ITPRID2: variants seen among roughly 807,000 people sequenced by gnomAD.
The protein encoded by ITPRID2 is ITPR interacting domain containing 2.
A neutral mutation model predicts 124.3 loss-of-function variants in ITPRID2; 60 were observed. The observed-to-expected ratio is 0.48, with a 90% confidence interval of 0.39 to 0.60. ITPRID2 has a LOEUF of 0.60. Among genes scored for constraint, ITPRID2 ranks in the 20% least tolerant of loss-of-function variants. The probability of loss-of-function intolerance (pLI) is 0.00; values close to 1 mark genes in which losing one functional copy is unlikely to be tolerated. For missense variants in ITPRID2, 1,553 were observed against 1,512.2 expected (o/e 1.03, Z -0.45); for synonymous variants, 521 against 542.9 (o/e 0.96, Z 0.56).
chr2:181,916,590 C>G, intron 11 of ITPRID2, 163 bp downstream of exon 11: 1 of 963,002 alleles, frequency 1.0e-6, no homozygotes, highest in Non-Finnish European at 1.5e-6. Context: ...ATCTTCCCTC[C>G]TGTTTCAAGG....
chr2:181,900,629 A>C lies in ITPRID2; in HGVS notation c.504-67A>C, dbSNP rs1692583962. On this transcript the variant is annotated intron_variant, in intron 6 of 17. Coordinates refer to ENST00000431877, the MANE Select transcript of ITPRID2 (RefSeq NM_001130445.3). ...AAATCAGTAATATGTATTCATTTAT[A>C]ATGTGGTGTGGACTATCAATTTATT... 4.7e-6 allele frequency: 5 copies of C among 1,074,638 alleles called. No homozygotes were observed. In the Admixed American group the frequency reaches 7.2e-5, roughly 15 times the overall value. The allele number at this position is 1,074,638 out of a possible 1,614,324, so 66.6% of individuals were successfully genotyped here.
intron 2 of ITPRID2, chr2:181,893,761 A>G (rs1691956615): frequency 6.6e-6 from 1 of 152,208 alleles, no homozygotes; most frequent in East Asian, 1.9e-4. Flanking sequence ...TCAATCTCCC[A>G]GTTTTCAGAT....
chr2:181,925,991 C>T (rs562974417), intron 16 of ITPRID2, among the ~76,000 whole-genome samples: 2 of 152,148 alleles, frequency 1.3e-5, no homozygotes, highest in South Asian at 4.1e-4. Context: ...TTTATGAAAC[C>T]GACGAGGTGT....
chr2:181,915,106 C>A, intron 10 of ITPRID2, 110 bp from the exon 11 acceptor site: 1 of 1,296,672 alleles, frequency 7.7e-7, no homozygotes, highest in Non-Finnish European at 1.1e-6. Context: ...AGCAGGGCCA[C>A]AACTGCAGTG....
rs1230782976 is a variant in ITPRID2 at position 181,929,771 on chromosome 2, A to G, written c.*224A>G. ...TCTTTTCTAAACTATCAAAAACTCT[A>G]GCAGTTTGAAAAGCCTAATATTTAT... On this transcript the variant is annotated 3_prime_UTR_variant, in exon 18 of 18. Transcript: ENST00000431877. The G allele has an allele frequency of 1.7e-6, 1 of 583,576 alleles. No individual in the cohort carries two copies. The highest frequency in any genetic ancestry group is 2.8e-6 in the Non-Finnish European group (1 of 355,458). 36.1% of individuals were successfully genotyped at this position (583,576 alleles called of 1,614,324 possible).
chr2:181,916,261 C>T lies in ITPRID2; in HGVS notation c.2621C>T (p.Ser874Leu), dbSNP rs747901136. The T allele has an allele frequency of 1.2e-6, 2 of 1,614,202 alleles. No individual in the cohort carries two copies. Among genetic ancestry groups the T allele is most frequent in the South Asian group, 2.2e-5 (2 of 91,088 alleles). The change falls in exon 11 of 18, where the codon TCA (serine) becomes TTA (leucine). Residue 874 changes from serine (S) to leucine (L), a missense_variant. Transcript: ENST00000431877. ...TLSTHSVPNI[S>L]GATCSAFASP... is the part of the protein sequence containing the mutation. ...AGCACTCACAGTGTTCCCAACATAT[C>T]AGGGGCTACTTGTAGTGCCTTCGCT... is the stretch of plus-strand genomic sequence containing the variant.
At position 181,921,929 on chromosome 2, in the gene ITPRID2, A is replaced by G. The variant is rs781201609; in HGVS notation, c.3211-19A>G. ...CTTAATTCCAAGAGAGAAGAATAAC[A>G]TTTTTTTATGATCTCCAGGTCACTG... is the stretch of plus-strand genomic sequence containing the variant. On this transcript the variant is annotated intron_variant, in intron 15 of 17. Transcript: ENST00000431877. 1 of 1,595,304 alleles carries G rather than the reference A, an allele frequency of 6.3e-7. No individual in the cohort carries two copies.
Position 181,892,487 on chromosome 2 carries a change from G to A in ITPRID2, c.212-128G>A, listed in dbSNP as rs1691816383. ...GGTGCCATCCGATTTCCCTGCCAAG[G>A]GACACTGAGACGTGTCGCTTAGGCT... is the stretch of plus-strand genomic sequence containing the variant. On this transcript the variant is annotated intron_variant, in intron 1 of 17. Transcript: ENST00000431877. The surrounding 1 kb of genome is among the most constrained non-coding windows in gnomAD (Gnocchi z 5.2). 1 of 1,275,790 alleles carries A rather than the reference G, an allele frequency of 7.8e-7. No homozygotes were observed. 79.0% of individuals were successfully genotyped at this position (1,275,790 alleles called of 1,614,324 possible).
At chr2:181,927,382 G>T (rs1382105916) in intron 16 of ITPRID2, among the ~76,000 whole-genome samples, 1 of 152,170 alleles carries the variant, frequency 6.6e-6, no homozygotes, top group Non-Finnish European at 1.5e-5. Context: ...TGTATCATTA[G>T]AGAGAAAAGG....
At chr2:181,918,988 G>C in intron 13 of ITPRID2, 106 bp downstream of exon 13, 4 of 1,415,896 alleles carry the variant, frequency 2.8e-6, no homozygotes, top group East Asian at 2.4e-5. Flanking sequence ...TGTGTACCTT[G>C]TATCTGTTTT....
Position 181,920,647 on chromosome 2 carries a change from GAA to G in ITPRID2, c.3196_3197del (p.Asn1066CysfsTer7). 6.2e-7 allele frequency: 1 copy of G among 1,612,528 alleles called. No homozygotes were observed. Among genetic ancestry groups the G allele is most frequent in the Non-Finnish European group, 8.5e-7 (1 of 1,178,834 alleles). ...ADNLSCPSPL[N>X]VMEPVTELMQ... ...ATAACTTGTCATGCCCTTCTCCATT[GAA>G]TGTAATGGAACCAGTAAGCTTCTTT... On this transcript the variant is annotated frameshift_variant, in exon 15 of 18. Coordinates refer to ENST00000431877, the MANE Select transcript of ITPRID2 (RefSeq NM_001130445.3). LOFTEE classifies it high-confidence loss of function.
At chr2:181,908,186 C>A (rs1693305279) in intron 8 of ITPRID2, among the ~76,000 whole-genome samples, 1 of 152,082 alleles carries the variant, frequency 6.6e-6, no homozygotes. Flanking sequence ...GCCTGGGCAA[C>A]ATGGTGAAAC....
At chr2:181,924,481 T>G (rs1694706396) in intron 16 of ITPRID2, among the ~76,000 whole-genome samples, 1 of 152,246 alleles carries the variant, frequency 6.6e-6, no homozygotes, top group African/African-American at 2.4e-5. Context: ...CTAGCAGATC[T>G]GAGCCCCTAA....
intron 10 of ITPRID2, among the ~76,000 whole-genome samples, 190 bp from the exon 11 acceptor site, chr2:181,915,026 C>A (rs1693915187): frequency 6.6e-6 from 1 of 152,074 alleles, no homozygotes; most frequent in Non-Finnish European, 1.5e-5. Context: ...CTGAAATAAT[C>A]TTTGTGAGAA....
chr2:181,912,767 G>A (rs1693703144), intron 9 of ITPRID2, among the ~76,000 whole-genome samples: 3 of 152,162 alleles, frequency 2.0e-5, no homozygotes, highest in African/African-American at 7.2e-5. Flanking sequence ...TAGTTGTAGT[G>A]TGGATAGAAT....
chr2:181,925,293 A>G (rs1002165158), intron 16 of ITPRID2, among the ~76,000 whole-genome samples: 1 of 152,186 alleles, frequency 6.6e-6, no homozygotes, highest in Non-Finnish European at 1.5e-5. Flanking sequence ...TGTATTGTCG[A>G]TCAGCATGAC....
chr2:181,918,979 G>A, intron 13 of ITPRID2, 97 bp downstream of exon 13: 5 of 1,443,988 alleles, frequency 3.5e-6, no homozygotes, highest in Non-Finnish European at 4.7e-6. Flanking sequence ...TTCTACTGCT[G>A]TGTACCTTGT....
chr2:181,910,417 C>G lies in ITPRID2; in HGVS notation c.1486+446C>G, dbSNP rs574022957. 1 of 520,776 alleles carries G rather than the reference C, an allele frequency of 1.9e-6. No homozygotes were observed. Among genetic ancestry groups the G allele is most frequent in the Non-Finnish European group, 3.4e-6 (1 of 291,212 alleles). The allele number at this position is 520,776 out of a possible 1,614,324, so 32.3% of individuals were successfully genotyped here. A position where few individuals can be genotyped will look rare whatever the true frequency, so the allele number is the denominator to read the frequency against. ...ACCAATTTTTTAGCAATAGTTAAAG[C>G]TAGTTAAATTCAAACTATGGGTCGA... On this transcript the variant is annotated intron_variant, in intron 9 of 17. Coordinates refer to ENST00000431877, the MANE Select transcript of ITPRID2 (RefSeq NM_001130445.3). The surrounding 1 kb of genome is among the most constrained non-coding windows in gnomAD (Gnocchi z 4.1).
chr2:181,925,701 C>T (rs898731712), intron 16 of ITPRID2, among the ~76,000 whole-genome samples: 16 of 152,192 alleles, frequency 1.1e-4, no homozygotes, highest in African/African-American at 3.9e-4. Context: ...TCACAGTACA[C>T]CTTCCATCTG....
Sources: allele counts gnomAD v4.1 joint callset (sites outside exome capture counted in the v4.1 genomes callset), GRCh38; gene constraint gnomAD v4.1.1; non-coding constraint Gnocchi (gnomAD v3.1); transcripts MANE v1.5; gene names NCBI Gene and HGNC (gene_info 2026-07-23, HGNC 2026-07-21).